The following SYT1 variants were observed in gnomAD, a reference collection of about 807,000 sequenced individuals.
SYT1 encodes synaptotagmin 1.
SYT1 carries 8 observed loss-of-function variants against 44.8 expected under a neutral mutation model. The observed-to-expected ratio is 0.18, with a 90% confidence interval of 0.10 to 0.32. SYT1 has a LOEUF of 0.32. SYT1 is among the 10% of genes least tolerant of loss of function. The pLI is 1.00. For missense variants in SYT1, 286 were observed against 509.3 expected, an observed-to-expected ratio of 0.56 and a Z score of 4.22; for synonymous variants, 154 against 188.8, an observed-to-expected ratio of 0.82 and a Z score of 1.51.
intron 9 of SYT1, among the ~76,000 whole-genome samples, chr12:79,387,074 A>G (rs1018340697): frequency 6.6e-6 from 1 of 152,204 alleles, no homozygotes; most frequent in Non-Finnish European, 1.5e-5. Context: ...TGCAAACCAC[A>G]ATCAAGGCTA....
chr12:79,309,837 T>A (rs530323951), intron 8 of SYT1, among the ~76,000 whole-genome samples: 3 of 152,354 alleles, frequency 2.0e-5, no homozygotes, highest in Admixed American at 6.5e-5. Flanking sequence ...AGATTGGCTA[T>A]CAGGAATTAG....
intron 9 of SYT1, among the ~76,000 whole-genome samples, chr12:79,419,083 A>T (rs768725832): frequency 2.6e-5 from 4 of 152,092 alleles, no homozygotes; most frequent in Admixed American, 6.6e-5. Context: ...TACACATCCC[A>T]CTAATTGACC....
At chr12:79,201,313 T>C (rs1873770631) in intron 3 of SYT1, among the ~76,000 whole-genome samples, 2 of 152,210 alleles carry the variant, frequency 1.3e-5, no homozygotes, top group Admixed American at 1.3e-4. Context: ...GCAGCAGCTA[T>C]GATTTTATTT....
chr12:78,901,522 A>C (rs141064534), intron 1 of SYT1, among the ~76,000 whole-genome samples: 92 of 152,284 alleles, frequency 6.0e-4, no homozygotes, highest in African/African-American at 2.1e-3. Context: ...GCATTAATAA[A>C]ACTAAGCTTT....
chr12:78,921,338 C>G (rs1050817906), intron 1 of SYT1, among the ~76,000 whole-genome samples: 1 of 151,764 alleles, frequency 6.6e-6, no homozygotes, highest in African/African-American at 2.4e-5. Flanking sequence ...TTGGTGAAAC[C>G]GATACTCAAG....
chr12:79,019,650 T>C (rs1484767320), intron 2 of SYT1, among the ~76,000 whole-genome samples: 1 of 151,954 alleles, frequency 6.6e-6, no homozygotes, highest in Non-Finnish European at 1.5e-5. Context: ...AAAATGACAT[T>C]GGACTGGGAG....
chr12:79,207,043 T>A (rs1237594832), intron 3 of SYT1, among the ~76,000 whole-genome samples: 1 of 152,210 alleles, frequency 6.6e-6, no homozygotes. Context: ...AAGTTTTTCA[T>A]AGTTTAAATT....
At chr12:78,971,402 T>C (rs1868379817) in intron 1 of SYT1, among the ~76,000 whole-genome samples, 1 of 152,140 alleles carries the variant, frequency 6.6e-6, no homozygotes, top group Admixed American at 6.6e-5. Flanking sequence ...CAAAAACAGG[T>C]TGTTAAAATT....
chr12:79,113,796 T>C (rs991117323), intron 3 of SYT1, among the ~76,000 whole-genome samples: 12 of 152,134 alleles, frequency 7.9e-5, no homozygotes, highest in African/African-American at 2.9e-4. Context: ...ACTGCTATAG[T>C]GTCCTGTAAC....
intron 1 of SYT1, among the ~76,000 whole-genome samples, chr12:78,915,199 A>G (rs1876578267): frequency 1.3e-5 from 2 of 152,044 alleles, no homozygotes; most frequent in Non-Finnish European, 2.9e-5. Context: ...TCAGATCACT[A>G]TTTTAATAAT....
chr12:79,234,868 G>A (rs868142250), intron 4 of SYT1, among the ~76,000 whole-genome samples: 12 of 152,006 alleles, frequency 7.9e-5, no homozygotes, highest in Middle Eastern at 6.8e-3. Context: ...ATGCCACCAT[G>A]CCCAGCTAAT....
intron 2 of SYT1, among the ~76,000 whole-genome samples, chr12:78,986,044 CT>C (rs2137460942): frequency 6.6e-6 from 1 of 152,086 alleles, no homozygotes; most frequent in African/African-American, 2.4e-5. Context: ...CAAAACTTAA[CT>C]GGTTTTATCA....
intron 1 of SYT1, among the ~76,000 whole-genome samples, chr12:78,903,242 C>G (rs1319863053): frequency 6.6e-6 from 1 of 150,788 alleles, no homozygotes; most frequent in African/African-American, 2.4e-5. Context: ...AGAAAAATCT[C>G]AAAATATTTA....
At chr12:79,103,585 A>C (rs976334554) in intron 3 of SYT1, among the ~76,000 whole-genome samples, 2 of 152,050 alleles carry the variant, frequency 1.3e-5, no homozygotes, top group Non-Finnish European at 2.9e-5. Flanking sequence ...AAGGGTATTC[A>C]AAAAGTTTTA....
chr12:79,142,514 C>T (rs903313307), intron 3 of SYT1, among the ~76,000 whole-genome samples: 7 of 152,178 alleles, frequency 4.6e-5, no homozygotes, highest in Non-Finnish European at 1.0e-4. Context: ...GTGGACCAAT[C>T]ATGAGAGCTT....
At chr12:78,972,794 C>T (rs753565330) in intron 1 of SYT1, among the ~76,000 whole-genome samples, 5 of 151,458 alleles carry the variant, frequency 3.3e-5, no homozygotes, top group Non-Finnish European at 5.9e-5. Flanking sequence ...AAAATACATA[C>T]GTTTGGCTTA....
chr12:79,190,172 C>A (rs1592837864), intron 3 of SYT1, among the ~76,000 whole-genome samples: 1 of 152,216 alleles, frequency 6.6e-6, no homozygotes, highest in Non-Finnish European at 1.5e-5. Context: ...TATATTTCTT[C>A]TTTTCCGAAC....
At chr12:79,227,459 G>A (rs1437530740) in intron 4 of SYT1, among the ~76,000 whole-genome samples, 1 of 152,124 alleles carries the variant, frequency 6.6e-6, no homozygotes, top group Admixed American at 6.5e-5. Context: ...TCTTGAAGTA[G>A]AGTGCACCTT....
At chr12:78,917,618 T>A (rs1410570703) in intron 1 of SYT1, among the ~76,000 whole-genome samples, 2 of 150,128 alleles carry the variant, frequency 1.3e-5, no homozygotes, top group African/African-American at 2.4e-5. Flanking sequence ...AATAAAAAAA[T>A]TTCAAAAAAA....
Sources: gnomAD v4.1 joint callset for allele counts (sites outside exome capture counted in the v4.1 genomes callset) on GRCh38, gnomAD v4.1.1 for gene constraint, MANE v1.5 for transcripts, NCBI Gene and HGNC (gene_info 2026-07-23, HGNC 2026-07-21) for gene names.